PPFIA2: variants seen among roughly 807,000 people sequenced by gnomAD.
PPFIA2 encodes the protein PPFI scaffold protein A2.
Under a neutral mutation model 175.5 loss-of-function variants are expected in PPFIA2, and 46 were observed. The ratio of observed to expected loss-of-function variants is 0.26; its 90% CI spans 0.21 to 0.34. The LOEUF (loss-of-function observed/expected upper bound fraction) is 0.34, where lower values mean the gene tolerates loss of function less well. PPFIA2 is among the 10% of genes least tolerant of loss of function. The pLI, the probability that PPFIA2 is intolerant of heterozygous loss-of-function variation, is 1.00. For missense variants in PPFIA2, 1,179 were observed against 1,506.1 expected (o/e 0.78, Z 3.60); for synonymous variants, 568 against 511.4 (o/e 1.11, Z -1.49).
intron 12 of PPFIA2, 126 bp downstream of exon 12, chr12:81,368,985 C>T (rs2034345936): frequency 7.7e-7 from 1 of 1,299,970 alleles, no homozygotes; most frequent in Non-Finnish European, 1.1e-6. Context: ...ACATTTTATT[C>T]AAGTCAACAG....
At position 81,355,079 on chromosome 12, in the gene PPFIA2, C is replaced by A. The variant is rs76821949; in HGVS notation, c.1774-1740G>T. Among the ~76,000 whole-genome samples, 231 of 152,196 alleles carry A rather than the reference C, an allele frequency of 1.5e-3. 4 individuals are homozygous for A. The East Asian group carries it at 0.028, about 18-fold the overall frequency. ...GAGTCACTACCTATGGCAGTTATAGCCCTGTGAAATGTATTTCTTAAGTTA... is the reference window on the plus strand; with the variant it reads ...GAGTCACTACCTATGGCAGTTATAGACCTGTGAAATGTATTTCTTAAGTTA... On this transcript the variant is annotated intron_variant, in intron 16 of 32. Transcript: ENST00000549396.
intron 3 of PPFIA2, among the ~76,000 whole-genome samples, chr12:81,739,043 T>C (rs956219158): frequency 6.6e-6 from 1 of 152,062 alleles, no homozygotes; most frequent in Non-Finnish European, 1.5e-5. Context: ...CACGAAGTTA[T>C]ACATATGATA....
At chr12:81,415,195 AAAAAAAAAAAAAAAAATATATATATATAT>A (rs2044780216) in intron 7 of PPFIA2, among the ~76,000 whole-genome samples, 16 of 52,872 alleles carry the variant, frequency 3.0e-4, no homozygotes, top group Admixed American at 9.7e-4. Context: ...AAAAAAAAAA[AAAAAAAAAAAAAAAAATATATATATATAT>A]ATATATATAT....
chr12:81,291,738 C>G (rs1218190670), intron 24 of PPFIA2, among the ~76,000 whole-genome samples: 2 of 151,818 alleles, frequency 1.3e-5, no homozygotes, highest in Non-Finnish European at 2.9e-5. Context: ...GGGGGCTCAG[C>G]AAAAGCTTTT....
At position 81,358,165 on chromosome 12, in the gene PPFIA2, C is replaced by T. The variant is rs867013552; in HGVS notation, c.1690G>A (p.Asp564Asn). The T allele has an allele frequency of 6.3e-7, 1 of 1,597,246 alleles. No homozygotes were observed. The highest frequency in any genetic ancestry group is 8.5e-7 in the Non-Finnish European group (1 of 1,171,242). ...ELRYSVGSLV[D>N]SQSDYRTTKV... ...GTTGTTCTGTAATCAGACTGGCTGT[C>T]CACTAGGGATCCCACTGAGTACCGC... Residue 564 changes from aspartate to asparagine, a missense_variant, in exon 16 of 33, where the codon GAC becomes AAC. Around this residue, in one of 10 missense-constraint regions of PPFIA2, gnomAD observed 186 missense variants for 163.6 expected, o/e 1.14. Coordinates refer to ENST00000549396, the MANE Select transcript of PPFIA2 (RefSeq NM_003625.5).
At chr12:81,677,386 A>G (rs1567827451) in intron 3 of PPFIA2, among the ~76,000 whole-genome samples, 1 of 151,988 alleles carries the variant, frequency 6.6e-6, no homozygotes, top group Non-Finnish European at 1.5e-5. Context: ...TGAAATATAC[A>G]GTAAATTATT....
chr12:81,337,044 C>T (rs1298342090), intron 21 of PPFIA2, among the ~76,000 whole-genome samples: 4 of 152,120 alleles, frequency 2.6e-5, no homozygotes, highest in Admixed American at 2.6e-4. Context: ...TAGCCCTTAA[C>T]TAAAGTATCA....
intron 9 of PPFIA2, among the ~76,000 whole-genome samples, chr12:81,377,228 T>C (rs1009095885): frequency 1.3e-5 from 2 of 152,024 alleles, no homozygotes; most frequent in African/African-American, 2.4e-5. Flanking sequence ...TTTTTGTATA[T>C]ATAAAAAATT....
At chr12:81,481,870 C>A (rs1360630760) in intron 4 of PPFIA2, among the ~76,000 whole-genome samples, 3 of 152,076 alleles carry the variant, frequency 2.0e-5, no homozygotes, top group Non-Finnish European at 4.4e-5. Context: ...GCAAGGGCAA[C>A]AAAAGCCAAA....
intron 7 of PPFIA2, among the ~76,000 whole-genome samples, chr12:81,427,225 A>G (rs2047287616): frequency 6.6e-6 from 1 of 152,104 alleles, no homozygotes; most frequent in South Asian, 2.1e-4. Flanking sequence ...GAGAAAGGCC[A>G]GGTGACATAG....
chr12:81,684,332 G>T (rs2074128108), intron 3 of PPFIA2, among the ~76,000 whole-genome samples: 1 of 152,040 alleles, frequency 6.6e-6, no homozygotes, highest in Non-Finnish European at 1.5e-5. Flanking sequence ...GGTGGTACAT[G>T]GGGACTAGCA....
chr12:81,710,694 CTGAGA>C (rs1158986112), intron 3 of PPFIA2, among the ~76,000 whole-genome samples: 1 of 151,966 alleles, frequency 6.6e-6, no homozygotes, highest in Non-Finnish European at 1.5e-5. Flanking sequence ...ACACATAGAA[CTGAGA>C]TATTTTCATA....
intron 22 of PPFIA2, among the ~76,000 whole-genome samples, chr12:81,304,371 C>T (rs1042077914): frequency 2.0e-5 from 3 of 152,118 alleles, no homozygotes; most frequent in African/African-American, 7.2e-5. Flanking sequence ...ATAAAGCCAA[C>T]TGAATCTCTG....
chr12:81,482,331 AAT>A (rs2058331433), intron 4 of PPFIA2, among the ~76,000 whole-genome samples: 1 of 152,184 alleles, frequency 6.6e-6, no homozygotes, highest in East Asian at 1.9e-4. Flanking sequence ...ACAGTGTGGC[AAT>A]TCCTCAAGGA....
intron 21 of PPFIA2, among the ~76,000 whole-genome samples, chr12:81,335,775 A>AACG (rs1378158275): frequency 1.3e-5 from 2 of 151,768 alleles, no homozygotes; most frequent in Non-Finnish European, 2.9e-5. Context: ...CAACAACAAC[A>AACG]ACAAAAAGAC....
At chr12:81,426,440 A>C (rs1014082827) in intron 7 of PPFIA2, among the ~76,000 whole-genome samples, 7 of 152,094 alleles carry the variant, frequency 4.6e-5, no homozygotes, top group East Asian at 1.9e-4. Flanking sequence ...TGGATGTGAG[A>C]ATTTCCTGAA....
At chr12:81,465,678 AT>A (rs1287774830) in intron 4 of PPFIA2, among the ~76,000 whole-genome samples, 31 of 152,262 alleles carry the variant, frequency 2.0e-4, no homozygotes, top group Non-Finnish European at 1.3e-4. Context: ...ATGTAAAAAA[AT>A]ATGTATGTTT....
intron 23 of PPFIA2, among the ~76,000 whole-genome samples, chr12:81,295,998 CAAAA>C (rs2046350077): frequency 1.3e-5 from 2 of 149,764 alleles, no homozygotes; most frequent in Non-Finnish European, 3.0e-5. Flanking sequence ...CAAAACGAAA[CAAAA>C]GAAAACAACA....
At chr12:81,631,856 A>T (rs2063426753) in intron 4 of PPFIA2, among the ~76,000 whole-genome samples, 1 of 152,198 alleles carries the variant, frequency 6.6e-6, no homozygotes, top group African/African-American at 2.4e-5. Flanking sequence ...GTAATGTGTG[A>T]TGTAGTGGCA....
Sources: gnomAD v4.1 joint callset for allele counts (sites outside exome capture counted in the v4.1 genomes callset) on GRCh38, gnomAD v4.1.1 for gene constraint, gnomAD v4.1.1 regional missense constraint, MANE v1.5 for transcripts, NCBI Gene and HGNC (gene_info 2026-07-23, HGNC 2026-07-21) for gene names.